Variants in NBPF11 observed in about 807,000 individuals in gnomAD.
The protein encoded by NBPF11 is NBPF member 11, also known as NBPF family member NBPF11.
A neutral mutation model predicts 93.9 loss-of-function variants in NBPF11; 72 were observed. That is an observed-to-expected ratio of 0.77 (90% CI 0.63 to 0.93). The LOEUF (loss-of-function observed/expected upper bound fraction) is 0.93, where lower values mean the gene tolerates loss of function less well. NBPF11 is among the 40% of genes least tolerant of loss of function. The pLI, the probability that NBPF11 is intolerant of heterozygous loss-of-function variation, is 0.00. For synonymous variants in NBPF11, 224 were observed against 304.9 expected, an observed-to-expected ratio of 0.73 and a Z score of 2.76; for missense variants, 705 against 802.2, an observed-to-expected ratio of 0.88 and a Z score of 1.46.
intron 14 of NBPF11, among the ~76,000 whole-genome samples, chr1:148,115,211 C>T (rs112044211): frequency 9.8e-5 from 12 of 122,262 alleles, no homozygotes; most frequent in East Asian, 7.1e-4. Flanking sequence ...AAATCTACGA[C>T]GCTACAAAGA....
intron 23 of NBPF11, 94 bp downstream of exon 23, chr1:148,104,443 T>G: frequency 1.6e-6 from 1 of 612,572 alleles, no homozygotes; most frequent in South Asian, 2.0e-5. Context: ...CAGCCTTCGT[T>G]GAAAACATGA....
At chr1:148,126,167 C>A (rs1303728071) in intron 5 of NBPF11, among the ~76,000 whole-genome samples, 2 of 151,828 alleles carry the variant, frequency 1.3e-5, no homozygotes, top group Middle Eastern at 3.4e-3. Context: ...CGCCCATCTA[C>A]TTTTTGTATT....
At chr1:148,117,295 C>T (rs1307429639) in intron 12 of NBPF11, among the ~76,000 whole-genome samples, 7 of 149,334 alleles carry the variant, frequency 4.7e-5, no homozygotes, top group Middle Eastern at 3.4e-3. Flanking sequence ...CTGCTCCCAT[C>T]GCAGCCTCCT....
At chr1:148,139,994 C>T (rs1671920285) in intron 2 of NBPF11, among the ~76,000 whole-genome samples, 1 of 151,338 alleles carries the variant, frequency 6.6e-6, no homozygotes, top group South Asian at 2.1e-4. Flanking sequence ...TTCAGAAAAA[C>T]TCCCTGAGGT....
At chr1:148,144,138 TC>T (rs1238250216) in intron 1 of NBPF11, among the ~76,000 whole-genome samples, 1 of 151,312 alleles carries the variant, frequency 6.6e-6, no homozygotes, top group Non-Finnish European at 1.5e-5. Flanking sequence ...TTCGATTCTT[TC>T]TGTTAGGGAA....
At chr1:148,114,114 C>T (rs1665916025) in intron 15 of NBPF11, among the ~76,000 whole-genome samples, 3 of 137,836 alleles carry the variant, frequency 2.2e-5, no homozygotes, top group African/African-American at 5.6e-5. Flanking sequence ...TAACTAAGAT[C>T]AGAGCAGAAC....
chr1:148,149,574 C>T, intron 1 of NBPF11: 1 of 1,593,846 alleles, frequency 6.3e-7, no homozygotes, highest in Non-Finnish European at 8.5e-7. Flanking sequence ...TAGCGGCGGC[C>T]CCAACCAGCC....
intron 9 of NBPF11, among the ~76,000 whole-genome samples, chr1:148,121,350 T>C (rs1373317250): frequency 7.4e-6 from 1 of 135,586 alleles, no homozygotes; most frequent in African/African-American, 2.8e-5. Context: ...GTCAGAGACT[T>C]TTTTTTTTTT....
rs1384350714 is a variant in NBPF11, at chr1:148,106,442, G to C, written c.2252-210C>G. Among the ~76,000 whole-genome samples, 3 of 145,494 alleles carry C rather than the reference G, an allele frequency of 2.1e-5. 1 individual carries two copies. The highest frequency in any genetic ancestry group is 3.0e-5 in the Non-Finnish European group (2 of 66,836). On this transcript the variant is annotated intron_variant, in intron 20 of 23. Coordinates refer to ENST00000682118, the MANE Select transcript of NBPF11 (RefSeq NM_001385469.3). ...AGGGTGAAATATCCCTATTCTGGTA[G>C]ATCGTTATCCCAAAATCATTTATCC...
chr1:148,115,465 G>A (rs1216775504), intron 14 of NBPF11, among the ~76,000 whole-genome samples: 4 of 150,808 alleles, frequency 2.7e-5, no homozygotes, highest in African/African-American at 9.9e-5. Flanking sequence ...AAACTCCATG[G>A]ACATTGTTCA....
chr1:148,122,129 T>G lies in NBPF11; in HGVS notation c.704A>C (p.Lys235Thr). Residue 235 changes from lysine (K) to threonine (T), a missense_variant, in exon 9 of 24, where the codon AAA (lysine) becomes ACA (threonine). By Grantham distance (78) the Lys-to-Thr change is moderately conservative (BLOSUM62 -1). Coordinates refer to ENST00000682118, the MANE Select transcript of NBPF11 (RefSeq NM_001385469.3). ...GTCTACAACCAGAGATGAGTTGACT[T>G]TGTCTTCCTCAAATGTGATTTTGAT... ...KNIKITFEEDKVNSSLVVDRE... is the reference protein window; with the variant it reads ...KNIKITFEEDTVNSSLVVDRE... 1 of 1,613,390 alleles carries G rather than the reference T, an allele frequency of 6.2e-7. No individual in the cohort carries two copies. The highest frequency in any genetic ancestry group is 8.5e-7 in the Non-Finnish European group (1 of 1,179,596).
At position 148,108,593 on chromosome 1, in the gene NBPF11, A is replaced by T. The variant is rs782301420; in HGVS notation, c.1915T>A (p.Cys639Ser). Reference protein sequence around the residue: ...PEVLQDSLDRCYSTPSVYLGL... With the variant: ...PEVLQDSLDRSYSTPSVYLGL... ...AGATAAACTGAAGGAGTTGAATAAC[A>T]TCTATCCAGTGAGTCCTGCAAGACT... The change falls in exon 18 of 24, where the codon TGT (cysteine) becomes AGT (serine). Residue 639 changes from cysteine to serine, a missense_variant. Coordinates refer to ENST00000682118, the MANE Select transcript of NBPF11 (RefSeq NM_001385469.3). 13 of 1,561,182 alleles carry T rather than the reference A, an allele frequency of 8.3e-6. No homozygotes were observed. The South Asian group carries it at 1.1e-4, about 13-fold the overall frequency.
Position 148,106,853 on chromosome 1 carries a change from C to T in NBPF11, c.2251+89G>A, listed in dbSNP as rs1333540388. 7.7e-5 allele frequency: 62 copies of T among 806,776 alleles called. 6 individuals carry two copies. Among genetic ancestry groups the T allele is most frequent in the African/African-American group, 7.2e-4 (39 of 53,968 alleles). 50.0% of individuals were successfully genotyped at this position (806,776 alleles called of 1,614,324 possible). A position where few individuals can be genotyped will look rare whatever the true frequency, so the allele number is the denominator to read the frequency against. ...TCCTGCCTGTGGCAATGAAGTCTCT[C>T]GGGTCAGTAAGGGCCACTTGGAACA... On this transcript the variant is annotated intron_variant, in intron 20 of 23. Transcript: ENST00000682118.
At chr1:148,110,261 G>A (rs1664930746) in intron 16 of NBPF11, 117 bp downstream of exon 16, 4 of 1,324,502 alleles carry the variant, frequency 3.0e-6, no homozygotes, top group East Asian at 2.3e-5. Flanking sequence ...TTGATATATA[G>A]GTTCAGCCCA....
chr1:148,146,714 T>C (rs2149307660), intron 1 of NBPF11: 2 of 1,612,004 alleles, frequency 1.2e-6, no homozygotes, highest in East Asian at 4.5e-5. Context: ...GTTCGCTGCG[T>C]GCCTGGTGCC....
In NBPF11 at chr1:148,150,244, C is replaced by T. The variant is rs1373598839; in HGVS notation, c.-549+1506G>A. The stretch of plus-strand genomic sequence containing the variant: ...ACTGCTCACTGCAATCTCAACCTCC[C>T]AGGCTCTGTTGACCACACACAGCTA... On this transcript the variant is annotated intron_variant, in intron 1 of 23. Transcript: ENST00000682118. Among the ~76,000 whole-genome samples, 790 of 145,464 alleles carry T rather than the reference C, an allele frequency of 5.4e-3. 14 individuals are homozygous for T. The highest frequency in any genetic ancestry group is 0.02 in the African/African-American group (773 of 37,824).
chr1:148,141,920 G>C (rs1168343967), intron 2 of NBPF11, among the ~76,000 whole-genome samples: 1 of 148,952 alleles, frequency 6.7e-6, no homozygotes, highest in East Asian at 2.0e-4. Flanking sequence ...ATTTAAAATA[G>C]TAGAACAAAA....
rs1400970145 is a variant in NBPF11 at position 148,103,206 on chromosome 1, A to AT, written c.*689dup. ...TCTGAAATACAATCCTCAGCCAAGG[A>AT]TCCCTCCTGTGTTACAGATGGATCA... On this transcript the variant is annotated 3_prime_UTR_variant, in exon 24 of 24. Transcript: ENST00000682118. The AT allele has an allele frequency of 4.8e-6, 1 of 206,968 alleles. No individual in the cohort carries two copies. The highest frequency in any genetic ancestry group is 2.5e-5 in the African/African-American group (1 of 40,726). The allele number at this position is 206,968 out of a possible 1,614,324, so 12.8% of individuals were successfully genotyped here. A position where few individuals can be genotyped will look rare whatever the true frequency, so the allele number is the denominator to read the frequency against.
chr1:148,146,090 G>A (rs1409113880), intron 1 of NBPF11, among the ~76,000 whole-genome samples: 7 of 151,930 alleles, frequency 4.6e-5, no homozygotes, highest in Non-Finnish European at 7.4e-5. Context: ...AGGGACCGAC[G>A]GACGCACGGG....
Sources: gnomAD v4.1 joint callset for allele counts (sites outside exome capture counted in the v4.1 genomes callset) on GRCh38, gnomAD v4.1.1 for gene constraint, MANE v1.5 for transcripts, NCBI Gene and HGNC (gene_info 2026-07-23, HGNC 2026-07-21) for gene names.